DTX4: variants seen among roughly 807,000 people sequenced by gnomAD.
DTX4 encodes E3 ubiquitin-protein ligase DTX4.
Under a neutral mutation model 57.6 loss-of-function variants are expected in DTX4, and 28 were observed. The ratio of observed to expected loss-of-function variants is 0.49; its 90% CI spans 0.36 to 0.67. DTX4 has a LOEUF of 0.67. Among genes scored for constraint, DTX4 ranks in the 30% least tolerant of loss-of-function variants. DTX4 has a pLI of 0.00. For missense variants in DTX4, 715 were observed against 836.8 expected (o/e 0.85, Z 1.80); for synonymous variants, 316 against 331.0 (o/e 0.95, Z 0.49).
intron 8 of DTX4, among the ~76,000 whole-genome samples, chr11:59,200,828 T>G (rs1312609647): frequency 1.3e-5 from 2 of 152,136 alleles, no homozygotes; most frequent in East Asian, 3.9e-4. Flanking sequence ...AAGGGAGTAT[T>G]GGGGGGAATA....
At chr11:59,195,453 A>G (rs2135523513) in intron 7 of DTX4, 84 bp downstream of exon 7, 2 of 1,448,572 alleles carry the variant, frequency 1.4e-6, no homozygotes, top group Non-Finnish European at 1.8e-6. Flanking sequence ...GTTACATATG[A>G]AGAGTCTCCT....
At position 59,199,828 on chromosome 11, in the gene DTX4, A is replaced by C. The variant is rs1862720148; in HGVS notation, c.1626+55A>C. ...GGTTTTAGAATAGATCGGGCAGTTTACTTCTATGTCAAGGCCTAAAGTTTT... is the reference window on the plus strand; with the variant it reads ...GGTTTTAGAATAGATCGGGCAGTTTCCTTCTATGTCAAGGCCTAAAGTTTT... On this transcript the variant is annotated intron_variant, in intron 8 of 8. Coordinates refer to ENST00000227451, the MANE Select transcript of DTX4 (RefSeq NM_015177.2). The C allele has an allele frequency of 4.7e-5, 69 of 1,457,470 alleles. No homozygotes were observed. The South Asian group carries it at 8.3e-4, about 18-fold the overall frequency. 90.3% of individuals were successfully genotyped at this position (1,457,470 alleles called of 1,614,324 possible). A position where few individuals can be genotyped will look rare whatever the true frequency, so the allele number is the denominator to read the frequency against.
chr11:59,174,995 G>T (rs1862377908), intron 1 of DTX4, among the ~76,000 whole-genome samples: 1 of 152,308 alleles, frequency 6.6e-6, no homozygotes. Context: ...TCCCAGAAAA[G>T]CTGGGTCTGT....
Position 59,176,761 on chromosome 11 carries a change from T to C in DTX4, c.211+3955T>C, listed in dbSNP as rs114935207. Among the ~76,000 whole-genome samples, 839 of 152,332 alleles carry C rather than the reference T, an allele frequency of 5.5e-3. 10 individuals are homozygous for C. The highest frequency in any genetic ancestry group is 0.02 in the Middle Eastern group (6 of 294). ...CTTTGTAACGCAGGTGGAAAATCTG[T>C]AAAAAACTGATTTTCTTTCTCCTTC... On this transcript the variant is annotated intron_variant, in intron 1 of 8. Transcript: ENST00000227451.
chr11:59,187,196 T>C (rs1447388346), intron 2 of DTX4, among the ~76,000 whole-genome samples: 1 of 152,224 alleles, frequency 6.6e-6, no homozygotes, highest in Non-Finnish European at 1.5e-5. Flanking sequence ...TGGGATGTTA[T>C]AAGGATTACG....
In DTX4 at chr11:59,172,653, C is replaced by A. The variant is rs1167350629; in HGVS notation, c.58C>A (p.Arg20Ser). The change falls in exon 1 of 9, where the codon CGT (arginine) becomes AGT (serine). Residue 20 changes from arginine (R) to serine (S), a missense_variant. Transcript: ENST00000227451. ...WEWLNEHGRW[R>S]PYSPAVSHHI... Reference sequence around the variant, plus strand: ...ATGGCTGAACGAGCACGGCCGCTGGCGTCCCTACAGCCCAGCGGTGAGCCA... The same window carrying A: ...ATGGCTGAACGAGCACGGCCGCTGGAGTCCCTACAGCCCAGCGGTGAGCCA... 2 of 1,593,184 alleles carry A rather than the reference C, an allele frequency of 1.3e-6. No individual in the cohort carries two copies. The highest frequency in any genetic ancestry group is 1.7e-6 in the Non-Finnish European group (2 of 1,174,700).
chr11:59,176,422 G>A (rs917365235), intron 1 of DTX4, among the ~76,000 whole-genome samples: 17 of 152,360 alleles, frequency 1.1e-4, no homozygotes, highest in Non-Finnish European at 2.1e-4. Flanking sequence ...GCAGGGCCGA[G>A]ATTCTGAATT....
At chr11:59,183,009 C>T (rs1862485773) in intron 2 of DTX4, among the ~76,000 whole-genome samples, 1 of 152,218 alleles carries the variant, frequency 6.6e-6, no homozygotes, top group Admixed American at 6.5e-5. Flanking sequence ...TAGTTTGGGG[C>T]TTTACATCTC....
At chr11:59,178,983 G>A (rs1341518746) in intron 1 of DTX4, among the ~76,000 whole-genome samples, 1 of 151,750 alleles carries the variant, frequency 6.6e-6, no homozygotes, top group Non-Finnish European at 1.5e-5. Context: ...TAGATCCATG[G>A]CATAGTTTCC....
At position 59,204,891 on chromosome 11, in the gene DTX4, T is replaced by C; in HGVS notation, c.1842T>C (p.Thr614=). 6.3e-7 allele frequency: 1 copy of C among 1,586,100 alleles called. No homozygotes were observed. Among genetic ancestry groups the C allele is most frequent in the Non-Finnish European group, 8.6e-7 (1 of 1,165,422 alleles). The change falls in exon 9 of 9, where the codon ACT becomes ACC. Residue 614 remains threonine (T), a synonymous_variant. Coordinates refer to ENST00000227451, the MANE Select transcript of DTX4 (RefSeq NM_015177.2). ...CCCAGGGCATCTCTGAGGACAGCAC[T>C]GCCCAGGAGAAGGACTGAGGCCAGA... ...LAAQGISEDS[T]AQEKD
chr11:59,186,268 T>C (rs1019212521), intron 2 of DTX4, among the ~76,000 whole-genome samples: 2 of 152,190 alleles, frequency 1.3e-5, no homozygotes, highest in African/African-American at 4.8e-5. Flanking sequence ...TTGAGCTGCC[T>C]GAAATGTGTG....
chr11:59,172,343 A>G lies in DTX4; in HGVS notation c.-253A>G. 6.2e-6 allele frequency: 1 copy of G among 160,492 alleles called. No homozygotes were observed. Among genetic ancestry groups the G allele is most frequent in the Non-Finnish European group, 1.4e-5 (1 of 73,976 alleles). The allele number at this position is 160,492 out of a possible 1,614,324, so 9.9% of individuals were successfully genotyped here. A position where few individuals can be genotyped will look rare whatever the true frequency, so the allele number is the denominator to read the frequency against. Reference sequence around the variant, plus strand: ...ATGAAGCGACTCGACCCCACAGAGCAGCGGCAGCAGCAGCGGACCCCGGCG... The same window carrying G: ...ATGAAGCGACTCGACCCCACAGAGCGGCGGCAGCAGCAGCGGACCCCGGCG... On this transcript the variant is annotated 5_prime_UTR_variant, in exon 1 of 9. Transcript: ENST00000227451.
chr11:59,172,637 C>G lies in DTX4; in HGVS notation c.42C>G (p.Asn14Lys). ...CCGTGGTGGTCTGGGAATGGCTGAACGAGCACGGCCGCTGGCGTCCCTACA... is the reference window on the plus strand; with the variant it reads ...CCGTGGTGGTCTGGGAATGGCTGAAGGAGCACGGCCGCTGGCGTCCCTACA... Reference protein sequence around the residue: ...ASAVVVWEWLNEHGRWRPYSP... With the variant: ...ASAVVVWEWLKEHGRWRPYSP... Residue 14 changes from asparagine to lysine, a missense_variant, in exon 1 of 9, where the codon AAC becomes AAG. By Grantham distance (94) the Asn-to-Lys change is moderately conservative. Coordinates refer to ENST00000227451, the MANE Select transcript of DTX4 (RefSeq NM_015177.2). The G allele has an allele frequency of 1.9e-6, 3 of 1,588,602 alleles. No homozygotes were observed. Among genetic ancestry groups the G allele is most frequent in the Non-Finnish European group, 2.6e-6 (3 of 1,173,530 alleles).
rs192157555 is a variant in DTX4 at position 59,187,650 on chromosome 11, A to C, written c.936-1085A>C. ...GCTTTGCAGGCTGTCTGCCTCCTGG[A>C]GTCATCTGTGACCGGGTCCATTAGC... On this transcript the variant is annotated intron_variant, in intron 2 of 8. Coordinates refer to ENST00000227451, the MANE Select transcript of DTX4 (RefSeq NM_015177.2). Among the ~76,000 whole-genome samples the C allele has an allele frequency of 2.5e-3, 377 of 152,252 alleles. 3 individuals carry two copies. Among genetic ancestry groups the C allele is most frequent in the African/African-American group, 8.7e-3 (363 of 41,548 alleles).
chr11:59,204,876 C>T lies in DTX4; in HGVS notation c.1827C>T (p.Ile609=), dbSNP rs771503229. Residue 609 remains isoleucine (I), a synonymous_variant, in exon 9 of 9, where the codon ATC becomes ATT. Transcript: ENST00000227451. ...TGGCTGAACTGGCTGCCCAGGGCAT[C>T]TCTGAGGACAGCACTGCCCAGGAGA... ...NVLAELAAQG[I]SEDSTAQEKD 5.0e-6 allele frequency: 8 copies of T among 1,594,724 alleles called. No individual in the cohort carries two copies. Among genetic ancestry groups the T allele is most frequent in the Non-Finnish European group, 5.1e-6 (6 of 1,170,190 alleles).
intron 2 of DTX4, 51 bp downstream of exon 2, chr11:59,182,513 C>T (rs1420106746): frequency 6.0e-6 from 9 of 1,500,338 alleles, no homozygotes; most frequent in African/African-American, 1.4e-5. Flanking sequence ...TAGAGATAGG[C>T]TACAGCAGAT....
chr11:59,201,614 C>A (rs993741092), intron 8 of DTX4, among the ~76,000 whole-genome samples: 3 of 152,182 alleles, frequency 2.0e-5, no homozygotes, highest in Non-Finnish European at 4.4e-5. Flanking sequence ...GATATGGTCT[C>A]CCCCTACAGG....
chr11:59,185,792 G>A (rs552986651), intron 2 of DTX4, among the ~76,000 whole-genome samples: 2 of 152,212 alleles, frequency 1.3e-5, no homozygotes, highest in South Asian at 4.1e-4. Context: ...TTTTATACTT[G>A]GGAGGTAAAA....
intron 5 of DTX4, among the ~76,000 whole-genome samples, chr11:59,191,657 C>T (rs1294468490): frequency 6.6e-6 from 1 of 152,198 alleles, no homozygotes; most frequent in Non-Finnish European, 1.5e-5. Flanking sequence ...TTGTCCTCCC[C>T]AAAATGTAAA....
Sources: gnomAD v4.1 joint callset for allele counts (sites outside exome capture counted in the v4.1 genomes callset) on GRCh38, gnomAD v4.1.1 for gene constraint, MANE v1.5 for transcripts, NCBI Gene and HGNC (gene_info 2026-07-23, HGNC 2026-07-21) for gene names.